The following MCM6 variants were observed in gnomAD, a reference collection of about 807,000 sequenced individuals.
The protein encoded by MCM6 is minichromosome maintenance complex component 6.
MCM6 carries 46 observed loss-of-function variants against 94.3 expected under a neutral mutation model. That is an observed-to-expected ratio of 0.49 (90% CI 0.39 to 0.62). The LOEUF (loss-of-function observed/expected upper bound fraction) is 0.62. MCM6 is among the 20% of genes least tolerant of loss of function. The pLI is 0.00. For synonymous variants in MCM6, 335 were observed against 351.9 expected (o/e 0.95, Z 0.54); for missense variants, 865 against 1,017.9 (o/e 0.85, Z 2.04).
At position 135,866,565 on chromosome 2, in the gene MCM6, G is replaced by C; in HGVS notation, c.779C>G (p.Pro260Arg). 1 of 1,611,236 alleles carries C rather than the reference G, an allele frequency of 6.2e-7. No individual in the cohort carries two copies. Among genetic ancestry groups the C allele is most frequent in the Non-Finnish European group, 8.5e-7 (1 of 1,178,920 alleles). The change falls in exon 5 of 17, where the codon CCA becomes CGA. Residue 260 changes from proline to arginine, a missense_variant and splice_region_variant. This residue lies in a region of MCM6 where 404 missense variants were observed against 451.9 expected (regional missense o/e 0.89). Transcript: ENST00000264156. The part of the protein sequence containing the change: ...VVPDVSKLST[P>R]GARAETNSRV... Reference sequence around the variant, plus strand: ...AATTTGAGCCACAGATTACTGACCTGGTGTGCTAAGCTTGGAGACGTCAGG... The same window carrying C: ...AATTTGAGCCACAGATTACTGACCTCGTGTGCTAAGCTTGGAGACGTCAGG...
In MCM6 at chr2:135,866,633, T is replaced by C; in HGVS notation, c.711A>G (p.Gln237=). 5.0e-6 allele frequency: 8 copies of C among 1,614,230 alleles called. No individual in the cohort carries two copies. The highest frequency in any genetic ancestry group is 6.8e-6 in the Non-Finnish European group (8 of 1,180,026). The change falls in exon 5 of 17, where the codon CAA becomes CAG. Residue 237 remains glutamine, a synonymous_variant. Coordinates refer to ENST00000264156, the MANE Select transcript of MCM6 (RefSeq NM_005915.6). The part of the protein sequence containing the change: ...ILRAEAVESA[Q]AGDKCDFTGT... ...CTGTAAAGTCACACTTGTCACCAGC[T>C]TGAGCTGATTCCACAGCTTCAGCCC...
chr2:135,842,590 C>A (rs1454094147), intron 16 of MCM6, among the ~76,000 whole-genome samples: 1 of 152,182 alleles, frequency 6.6e-6, no homozygotes, highest in African/African-American at 2.4e-5. Context: ...TACTGCTGGG[C>A]CATGTTAAAC....
intron 11 of MCM6, among the ~76,000 whole-genome samples, chr2:135,856,098 T>C (rs1338427031): frequency 6.9e-6 from 1 of 145,630 alleles, no homozygotes; most frequent in Admixed American, 6.7e-5. Context: ...GACTGAAAAA[T>C]AAAATAAAAG....
intron 2 of MCM6, among the ~76,000 whole-genome samples, 189 bp from the exon 3 acceptor site, chr2:135,870,550 CG>C (rs1485148550): frequency 1.3e-5 from 2 of 152,138 alleles, no homozygotes; most frequent in African/African-American, 2.4e-5. Flanking sequence ...CCTATCCCAC[CG>C]GAACACTAAA....
intron 1 of MCM6, among the ~76,000 whole-genome samples, chr2:135,876,034 G>A (rs1046018185): frequency 2.6e-5 from 4 of 152,220 alleles, no homozygotes; most frequent in Non-Finnish European, 5.9e-5. Context: ...CACTGGGCAC[G>A]AGCGTCTTAG....
intron 2 of MCM6, among the ~76,000 whole-genome samples, chr2:135,872,174 G>C (rs566989761): frequency 2.0e-5 from 3 of 152,186 alleles, no homozygotes; most frequent in Admixed American, 2.0e-4. Flanking sequence ...GGCCGGGCAC[G>C]GTGGCTCACG....
At chr2:135,844,057 T>G (rs1472515207) in intron 16 of MCM6, among the ~76,000 whole-genome samples, 1 of 151,366 alleles carries the variant, frequency 6.6e-6, no homozygotes, top group African/African-American at 2.4e-5. Flanking sequence ...TCGATTTAAA[T>G]AAGACTGGGC....
In MCM6 at chr2:135,852,780, A is replaced by T; in HGVS notation, c.1755+7T>A. On this transcript the variant is annotated splice_region_variant and intron_variant, in intron 12 of 16. Transcript: ENST00000264156. ...ATACCTTATCCCAGTACAAAAGGGTAGGTTACCTTGGGTTTAAACTGTCTT... is the reference window on the plus strand; with the variant it reads ...ATACCTTATCCCAGTACAAAAGGGTTGGTTACCTTGGGTTTAAACTGTCTT... 1 of 1,566,520 alleles carries T rather than the reference A, an allele frequency of 6.4e-7. No homozygotes were observed. Among genetic ancestry groups the T allele is most frequent in the African/African-American group, 1.4e-5 (1 of 72,718 alleles).
intron 16 of MCM6, among the ~76,000 whole-genome samples, chr2:135,842,207 G>A (rs747207003): frequency 6.6e-6 from 1 of 152,042 alleles, no homozygotes; most frequent in African/African-American, 2.4e-5. Context: ...TGCCTGGGTC[G>A]TTTTACTTTA....
intron 1 of MCM6, among the ~76,000 whole-genome samples, chr2:135,874,000 G>A (rs1680251001): frequency 6.6e-6 from 1 of 152,126 alleles, no homozygotes; most frequent in Non-Finnish European, 1.5e-5. Context: ...TGATGACTGG[G>A]GTGTTTTTGT....
chr2:135,872,608 C>T (rs1659065196), intron 2 of MCM6, 89 bp downstream of exon 2: 2 of 1,346,486 alleles, frequency 1.5e-6, no homozygotes, highest in Non-Finnish European at 1.0e-6. Context: ...TGACCTTCTG[C>T]TACACAAGTG....
Position 135,844,582 on chromosome 2 carries a change from C to CT in MCM6, c.2311dup (p.Arg771LysfsTer14). ...TCGATGAATAACTTTCTCTATGATTCTTTTTTTATTTATAAGTTCTTCTTC... is the reference window on the plus strand; with the variant it reads ...TCGATGAATAACTTTCTCTATGATTCTTTTTTTTATTTATAAGTTCTTCTTC... On this transcript the variant is annotated frameshift_variant, in exon 16 of 17. Coordinates refer to ENST00000264156, the MANE Select transcript of MCM6 (RefSeq NM_005915.6). LOFTEE classifies it high-confidence loss of function. The CT allele has an allele frequency of 1.3e-6, 2 of 1,578,660 alleles. No individual in the cohort carries two copies. Among genetic ancestry groups the CT allele is most frequent in the Admixed American group, 1.9e-5 (1 of 54,014 alleles).
chr2:135,866,626 C>A lies in MCM6; in HGVS notation c.718G>T (p.Asp240Tyr). 6.2e-7 allele frequency: 1 copy of A among 1,614,168 alleles called. No individual in the cohort carries two copies. Among genetic ancestry groups the A allele is most frequent in the Non-Finnish European group, 8.5e-7 (1 of 1,180,024 alleles). Residue 240 changes from aspartate to tyrosine, a missense_variant, in exon 5 of 17, where the codon GAC becomes TAC. This residue lies in a region of MCM6 where 404 missense variants were observed against 451.9 expected (regional missense o/e 0.89). Coordinates refer to ENST00000264156, the MANE Select transcript of MCM6 (RefSeq NM_005915.6). The stretch of plus-strand genomic sequence containing the variant: ...AGTGTCCCTGTAAAGTCACACTTGT[C>A]ACCAGCTTGAGCTGATTCCACAGCT... Reference protein sequence around the residue: ...AEAVESAQAGDKCDFTGTLIV... With the variant: ...AEAVESAQAGYKCDFTGTLIV...
Position 135,840,112 on chromosome 2 carries a change from C to T in MCM6, c.*723G>A, listed in dbSNP as rs1679541473. On this transcript the variant is annotated 3_prime_UTR_variant, in exon 17 of 17. Transcript: ENST00000264156. The stretch of plus-strand genomic sequence containing the variant: ...TTGTAATATAGCAAATGACCTATTT[C>T]CCCTAAAAAAGCAATTTGAAAACAA... 6.6e-6 allele frequency: 1 copy of T among 151,794 alleles called. No individual in the cohort carries two copies. Among genetic ancestry groups the T allele is most frequent in the Admixed American group, 6.6e-5 (1 of 15,254 alleles). 9.4% of individuals were successfully genotyped at this position (151,794 alleles called of 1,614,324 possible).
chr2:135,866,017 A>G, intron 6 of MCM6, 115 bp downstream of exon 6: 1 of 1,164,168 alleles, frequency 8.6e-7, no homozygotes, highest in Non-Finnish European at 1.2e-6. Flanking sequence ...TGGTAGGATC[A>G]CTTGAGCCCA....
chr2:135,862,717 C>G lies in MCM6; in HGVS notation c.1110G>C (p.Leu370=). 6.2e-7 allele frequency: 1 copy of G among 1,614,184 alleles called. No homozygotes were observed. Among genetic ancestry groups the G allele is most frequent in the Non-Finnish European group, 8.5e-7 (1 of 1,180,028 alleles). ...GNDEVKRGVL[L]MLFGGVPKTT... is the part of the protein sequence containing the mutation. ...TCTTTGGAACGCCACCAAAGAGCAT[C>G]AGCAGGACACCCCGTTTTACTTCAT... Residue 370 remains leucine, a synonymous_variant, in exon 8 of 17, where the codon CTG becomes CTC. Transcript: ENST00000264156.
chr2:135,850,384 T>C (rs778154717), intron 13 of MCM6, among the ~76,000 whole-genome samples: 6 of 98,842 alleles, frequency 6.1e-5, no homozygotes, highest in East Asian at 6.0e-4. Context: ...ATTTAGTATA[T>C]AGATTATTTC....
chr2:135,847,974 G>T, intron 14 of MCM6, 79 bp downstream of exon 14: 1 of 1,063,600 alleles, frequency 9.4e-7, no homozygotes, highest in Non-Finnish European at 1.4e-6. Context: ...GCCAACAGCA[G>T]GTGTACTTCT....
At chr2:135,871,641 C>T (rs1680204254) in intron 2 of MCM6, among the ~76,000 whole-genome samples, 2 of 152,192 alleles carry the variant, frequency 1.3e-5, no homozygotes, top group South Asian at 4.2e-4. Flanking sequence ...AAAATAAAAG[C>T]CTTCTATTAA....
Sources: allele counts gnomAD v4.1 joint callset (sites outside exome capture counted in the v4.1 genomes callset), GRCh38; gene constraint gnomAD v4.1.1; regional missense constraint gnomAD v4.1.1; transcripts MANE v1.5; gene names NCBI Gene and HGNC (gene_info 2026-07-23, HGNC 2026-07-21).